The following C10orf90 variants were observed in gnomAD, a reference collection of about 807,000 sequenced individuals.
The protein encoded by C10orf90 is (E2-independent) E3 ubiquitin-conjugating enzyme FATS.
C10orf90 carries 56 observed loss-of-function variants against 62.5 expected under a neutral mutation model. That is an observed-to-expected ratio of 0.90 (90% confidence interval 0.72 to 1.12). The LOEUF (loss-of-function observed/expected upper bound fraction) is 1.12, where lower values mean the gene tolerates loss of function less well. Ranked by LOEUF, C10orf90 falls within the 50% of genes most tolerant of loss-of-function variation. The pLI, the probability that C10orf90 is intolerant of heterozygous loss-of-function variation, is 0.00. For synonymous variants in C10orf90, 386 were observed against 340.4 expected, an observed-to-expected ratio of 1.13 and a Z score of -1.47; for missense variants, 970 against 880.4, an observed-to-expected ratio of 1.10 and a Z score of -1.29.
At chr10:126,605,169 A>G (rs1449232661) in intron 2 of C10orf90, among the ~76,000 whole-genome samples, 1 of 152,254 alleles carries the variant, frequency 6.6e-6, no homozygotes, top group East Asian at 1.9e-4. Context: ...ATTTATTCTA[A>G]GTAGAGCCAG....
At chr10:126,427,742 C>G (rs1442823843) in intron 8 of C10orf90, among the ~76,000 whole-genome samples, 1 of 152,208 alleles carries the variant, frequency 6.6e-6, no homozygotes, top group African/African-American at 2.4e-5. Flanking sequence ...CAGCCACAGA[C>G]TGAAGCCTAT....
chr10:126,655,822 G>GAAAAA (rs1564911843), intron 1 of C10orf90, among the ~76,000 whole-genome samples: 1 of 112,668 alleles, frequency 8.9e-6, no homozygotes, highest in Non-Finnish European at 1.9e-5. Flanking sequence ...AAGCAACAGA[G>GAAAAA]ACAAAACAAA....
intron 4 of C10orf90, among the ~76,000 whole-genome samples, chr10:126,495,673 C>G (rs1438463660): frequency 6.6e-6 from 1 of 152,168 alleles, no homozygotes; most frequent in African/African-American, 2.4e-5. Context: ...AAGATATGGA[C>G]TTTGCTTTAA....
intron 4 of C10orf90, among the ~76,000 whole-genome samples, chr10:126,490,035 A>AAT (rs1350933389): frequency 1.8e-5 from 2 of 112,974 alleles, no homozygotes; most frequent in African/African-American, 6.8e-5. Context: ...TATAATATAT[A>AAT]ATATATATTA....
intron 2 of C10orf90, chr10:126,521,271 A>G: frequency 1.9e-6 from 3 of 1,611,070 alleles, no homozygotes; most frequent in Non-Finnish European, 2.5e-6. Flanking sequence ...AATAAGGGTT[A>G]TATCTGTGGA....
At chr10:126,438,771 G>A (rs913538284) in intron 7 of C10orf90, among the ~76,000 whole-genome samples, 17 of 151,826 alleles carry the variant, frequency 1.1e-4, no homozygotes, top group Non-Finnish European at 2.2e-4. Flanking sequence ...GTGTGTGTGT[G>A]TGTGTATCTG....
At chr10:126,583,717 C>T (rs1234406318) in intron 2 of C10orf90, among the ~76,000 whole-genome samples, 7 of 152,186 alleles carry the variant, frequency 4.6e-5, no homozygotes, top group East Asian at 1.9e-4. Context: ...CCAGCTCTTA[C>T]AAGGTCCAGG....
Position 126,644,200 on chromosome 10 carries a change from C to T in C10orf90, c.313+2365G>A, listed in dbSNP as rs545912994. ...ATACTAAGCTCCTCTTTTTAATTTT[C>T]CATCAGCTGAGTTCCTCACTCTGCC... On this transcript the variant is annotated intron_variant, in intron 2 of 9. Coordinates refer to ENST00000488181, the MANE Select transcript of C10orf90 (RefSeq NM_001350921.2). 6.6e-4 allele frequency among the ~76,000 whole-genome samples: 101 copies of T among 152,334 alleles called. 1 individual carries two copies. Among genetic ancestry groups the T allele is most frequent in the Middle Eastern group, 3.4e-3 (1 of 294 alleles).
At position 126,584,011 on chromosome 10, in the gene C10orf90, C is replaced by T. The variant is rs374290210; in HGVS notation, c.313+62554G>A. On this transcript the variant is annotated intron_variant, in intron 2 of 9. Coordinates refer to ENST00000488181, the MANE Select transcript of C10orf90 (RefSeq NM_001350921.2). ...GACTCATGCCTGTAGTCCCAGCTAC[C>T]GGGGAGGCTGAGGTGAGAAAATCAC... is the stretch of plus-strand genomic sequence containing the variant. Among the ~76,000 whole-genome samples the T allele has an allele frequency of 5.3e-5, 8 of 151,956 alleles. No individual in the cohort carries two copies. The East Asian group carries it at 5.8e-4, about 11-fold the overall frequency.
At chr10:126,428,138 C>T (rs566154630) in intron 8 of C10orf90, among the ~76,000 whole-genome samples, 3 of 151,984 alleles carry the variant, frequency 2.0e-5, no homozygotes, top group African/African-American at 4.8e-5. Context: ...AGCAAGCTAC[C>T]GAGAGATAGT....
At chr10:126,556,150 G>A (rs1864767288) in intron 2 of C10orf90, among the ~76,000 whole-genome samples, 1 of 152,178 alleles carries the variant, frequency 6.6e-6, no homozygotes, top group Non-Finnish European at 1.5e-5. Flanking sequence ...CACCAATGTG[G>A]GAACCAAAAT....
intron 4 of C10orf90, chr10:126,502,984 A>G (rs1591026336): frequency 4.5e-6 from 1 of 220,150 alleles, no homozygotes; most frequent in Non-Finnish European, 9.3e-6. Flanking sequence ...ATAACTTTAA[A>G]TGTTTTACAG....
rs186533453 is a variant in C10orf90, at chr10:126,653,910, C to A, written c.241-7273G>T. On this transcript the variant is annotated intron_variant, in intron 1 of 9. Coordinates refer to ENST00000488181, the MANE Select transcript of C10orf90 (RefSeq NM_001350921.2). ...CAACACTAATCTTCTTGTACATTTC[C>A]ATCGGAGCTCTTGGGTAACTGGGTA... is the stretch of plus-strand genomic sequence containing the variant. Among the ~76,000 whole-genome samples, 364 of 152,292 alleles carry A rather than the reference C, an allele frequency of 2.4e-3. 2 individuals carry two copies. The highest frequency in any genetic ancestry group is 8.4e-3 in the African/African-American group (351 of 41,562).
intron 2 of C10orf90, among the ~76,000 whole-genome samples, chr10:126,617,967 T>C (rs1021544117): frequency 1.6e-4 from 25 of 152,220 alleles, no homozygotes; most frequent in Admixed American, 1.2e-3. Flanking sequence ...CCATGGCTGA[T>C]GCTTAATATT....
At chr10:126,531,098 T>C (rs954311102) in intron 2 of C10orf90, among the ~76,000 whole-genome samples, 4 of 150,030 alleles carry the variant, frequency 2.7e-5, no homozygotes, top group Non-Finnish European at 5.9e-5. Context: ...TGCTTCAACC[T>C]GGGTGGCAGA....
intron 2 of C10orf90, among the ~76,000 whole-genome samples, chr10:126,552,642 A>G (rs1377059105): frequency 6.6e-6 from 1 of 152,256 alleles, no homozygotes; most frequent in East Asian, 1.9e-4. Flanking sequence ...CGTGTGGCTC[A>G]GTGGGCATTT....
At chr10:126,526,187 C>T (rs536992511) in intron 2 of C10orf90, among the ~76,000 whole-genome samples, 9 of 152,032 alleles carry the variant, frequency 5.9e-5, no homozygotes, top group Admixed American at 1.3e-4. Flanking sequence ...GTTACATTCT[C>T]TTCTAAACAC....
intron 4 of C10orf90, among the ~76,000 whole-genome samples, chr10:126,501,958 C>G (rs1487503891): frequency 6.6e-6 from 1 of 150,820 alleles, no homozygotes; most frequent in Non-Finnish European, 1.5e-5. Flanking sequence ...CACACACACA[C>G]CACATATACA....
At chr10:126,645,129 G>A (rs1007372356) in intron 2 of C10orf90, among the ~76,000 whole-genome samples, 2 of 151,538 alleles carry the variant, frequency 1.3e-5, no homozygotes, top group Admixed American at 1.3e-4. Context: ...GAGGAGGGGG[G>A]AGGGATAGCA....
Sources: allele counts gnomAD v4.1 joint callset (sites outside exome capture counted in the v4.1 genomes callset), GRCh38; gene constraint gnomAD v4.1.1; transcripts MANE v1.5; gene names NCBI Gene and HGNC (gene_info 2026-07-23, HGNC 2026-07-21).